The following USP34 variants were observed in gnomAD, a reference collection of about 807,000 sequenced individuals.
USP34 encodes the protein ubiquitin carboxyl-terminal hydrolase 34.
USP34 carries 70 observed loss-of-function variants against 460.3 expected under a neutral mutation model. That is an observed-to-expected ratio of 0.15 (90% CI 0.13 to 0.19). The LOEUF (loss-of-function observed/expected upper bound fraction) is 0.19, where lower values mean the gene tolerates loss of function less well. Ranked by LOEUF, USP34 falls within the 10% of genes least tolerant of loss-of-function variation. USP34 has a pLI of 1.00. For missense variants in USP34, 3,985 were observed against 4,236.2 expected, an observed-to-expected ratio of 0.94 and a Z score of 1.65; for synonymous variants, 1,647 against 1,405.3, an observed-to-expected ratio of 1.17 and a Z score of -3.85.
At chr2:61,381,214 AAAAT>A (rs371684636) in intron 6 of USP34, among the ~76,000 whole-genome samples, 14,824 of 146,714 alleles carry the variant, frequency 0.1, 689 homozygotes, top group African/African-American at 0.14. Flanking sequence ...AAAAAAAAAA[AAAAT>A]AAATAAATAA....
chr2:61,454,494 T>G (rs978365424), intron 1 of USP34, among the ~76,000 whole-genome samples: 1 of 152,040 alleles, frequency 6.6e-6, no homozygotes, highest in Non-Finnish European at 1.5e-5. Context: ...CATGGAGTTA[T>G]AGAGAAAACT....
At chr2:61,388,207 C>A (rs1041361665) in intron 5 of USP34, among the ~76,000 whole-genome samples, 2 of 151,944 alleles carry the variant, frequency 1.3e-5, no homozygotes, top group Non-Finnish European at 2.9e-5. Context: ...CACCCCAATG[C>A]GCTCTGGCCT....
intron 3 of USP34, among the ~76,000 whole-genome samples, chr2:61,399,203 G>A (rs546705417): frequency 4.1e-4 from 62 of 152,080 alleles, no homozygotes; most frequent in African/African-American, 1.4e-3. Flanking sequence ...GCTGGGTGTC[G>A]TGACGCATGC....
intron 75 of USP34, among the ~76,000 whole-genome samples, chr2:61,197,714 C>T (rs1033498766): frequency 8.5e-5 from 13 of 152,208 alleles, no homozygotes; most frequent in Non-Finnish European, 1.8e-4. Flanking sequence ...CCTCCTGCCT[C>T]AGCCTCCTGA....
At chr2:61,192,118 C>T (rs1477342814) in intron 76 of USP34, among the ~76,000 whole-genome samples, 2 of 152,144 alleles carry the variant, frequency 1.3e-5, no homozygotes, top group African/African-American at 2.4e-5. Flanking sequence ...GGAGGCTGAA[C>T]CAGACTCAAA....
At chr2:61,292,524 A>C (rs1394682358) in intron 33 of USP34, among the ~76,000 whole-genome samples, 1 of 152,214 alleles carries the variant, frequency 6.6e-6, no homozygotes, top group Non-Finnish European at 1.5e-5. Context: ...CCACACTGGA[A>C]GAACAACTGT....
chr2:61,286,759 C>T (rs762461788), intron 34 of USP34, among the ~76,000 whole-genome samples: 24 of 152,154 alleles, frequency 1.6e-4, no homozygotes, highest in Non-Finnish European at 3.1e-4. Flanking sequence ...AAAAAGTTCG[C>T]TTGTGTATTA....
chr2:61,211,981 A>AG, intron 68 of USP34, 52 bp from the exon 69 acceptor site: 1 of 1,535,542 alleles, frequency 6.5e-7, no homozygotes, highest in Non-Finnish European at 8.7e-7. Flanking sequence ...GCATTTTAGA[A>AG]GGTCAGTTTC....
chr2:61,328,296 C>T (rs1451970833), intron 20 of USP34, among the ~76,000 whole-genome samples: 4 of 143,190 alleles, frequency 2.8e-5, no homozygotes, highest in Non-Finnish European at 6.1e-5. Flanking sequence ...AGCAAAAACT[C>T]CGTCAAAAAA....
At chr2:61,379,026 A>C (rs1293589642) in intron 7 of USP34, among the ~76,000 whole-genome samples, 1 of 152,052 alleles carries the variant, frequency 6.6e-6, no homozygotes, top group African/African-American at 2.4e-5. Flanking sequence ...AAACACAACA[A>C]TTTAACGCAA....
At chr2:61,394,548 A>T (rs1180591597) in intron 5 of USP34, among the ~76,000 whole-genome samples, 1 of 62,780 alleles carries the variant, frequency 1.6e-5, no homozygotes, top group Non-Finnish European at 3.9e-5. Context: ...AAAAAAAAAA[A>T]AAAAAAAAAA....
At chr2:61,390,928 C>T (rs1454060581) in intron 5 of USP34, among the ~76,000 whole-genome samples, 1 of 151,848 alleles carries the variant, frequency 6.6e-6, no homozygotes, top group Non-Finnish European at 1.5e-5. Flanking sequence ...AACCCCATCT[C>T]TACTAAAAAT....
At chr2:61,296,229 C>T (rs1224423225) in intron 30 of USP34, among the ~76,000 whole-genome samples, 1 of 151,836 alleles carries the variant, frequency 6.6e-6, no homozygotes, top group East Asian at 1.9e-4. Context: ...CACTGTACTC[C>T]AGCCTGGGTA....
At chr2:61,293,142 T>G (rs1689913909) in intron 33 of USP34, among the ~76,000 whole-genome samples, 1 of 151,852 alleles carries the variant, frequency 6.6e-6, no homozygotes, top group African/African-American at 2.4e-5. Context: ...TTGAAAAAAC[T>G]AAGATGTAAA....
intron 21 of USP34, among the ~76,000 whole-genome samples, chr2:61,323,319 G>C (rs1429573066): frequency 3.9e-5 from 6 of 152,062 alleles, no homozygotes; most frequent in African/African-American, 7.2e-5. Context: ...AGACCATCCT[G>C]GCTAACACGG....
chr2:61,362,109 A>G (rs905543801), intron 10 of USP34, among the ~76,000 whole-genome samples: 8 of 152,234 alleles, frequency 5.3e-5, no homozygotes, highest in African/African-American at 1.4e-4. Context: ...AATCAAAAGC[A>G]TATCTCACAC....
chr2:61,393,169 G>A (rs1693406247), intron 5 of USP34, among the ~76,000 whole-genome samples: 4 of 152,082 alleles, frequency 2.6e-5, no homozygotes, highest in Admixed American at 2.6e-4. Flanking sequence ...AGTGGCTCAC[G>A]CCTGTAATCC....
intron 1 of USP34, among the ~76,000 whole-genome samples, chr2:61,422,544 C>G (rs950345635): frequency 2.0e-5 from 3 of 152,206 alleles, no homozygotes; most frequent in Non-Finnish European, 2.9e-5. Flanking sequence ...AGCCCAAAAG[C>G]TTTTCCTCTA....
At chr2:61,301,568 C>G (rs2103642865) in intron 27 of USP34, 114 bp from the exon 28 acceptor site, 1 of 930,546 alleles carries the variant, frequency 1.1e-6, no homozygotes, top group Admixed American at 2.6e-5. Context: ...TAAATGTAAT[C>G]TAAGGTAAAG....
Sources: gnomAD v4.1 joint callset for allele counts (sites outside exome capture counted in the v4.1 genomes callset) on GRCh38, gnomAD v4.1.1 for gene constraint, MANE v1.5 for transcripts, NCBI Gene and HGNC (gene_info 2026-07-23, HGNC 2026-07-21) for gene names.